The following PLCE1 variants were observed in gnomAD, a reference collection of about 807,000 sequenced individuals.
The protein encoded by PLCE1 is 1-phosphatidylinositol 4,5-bisphosphate phosphodiesterase epsilon-1.
A neutral mutation model predicts 242.8 loss-of-function variants in PLCE1; 119 were observed. The observed-to-expected ratio is 0.49, with a 90% CI of 0.42 to 0.57. PLCE1 has a LOEUF of 0.57. PLCE1 is among the 20% of genes least tolerant of loss of function. The pLI is 0.00. For missense variants in PLCE1, 2,441 were observed against 2,788.8 expected (o/e 0.88, Z 2.81); for synonymous variants, 945 against 1,017.4 (o/e 0.93, Z 1.35).
intron 2 of PLCE1, among the ~76,000 whole-genome samples, chr10:94,041,436 T>C (rs1481952748): frequency 1.3e-5 from 2 of 152,172 alleles, no homozygotes. Context: ...CAGCAATCCA[T>C]GCTTGTCATC....
Position 94,284,929 on chromosome 10 carries a change from G to C in PLCE1, c.4999G>C (p.Asp1667His). ...ESRQIAPELS[D>H]LVIYCQAVKF... ...CAGACAGATTGCACCAGAGCTTTCT[G>C]ACCTTGTAATCTATTGTCAAGCAGT... The change falls in exon 22 of 33, where the codon GAC becomes CAC. Residue 1667 changes from aspartate to histidine, a missense_variant. By Grantham distance (81) the Asp-to-His change is moderately conservative. This residue lies in a region of PLCE1 where 1,004 missense variants were observed against 1,322.7 expected (regional missense o/e 0.76). Coordinates refer to ENST00000371380, the MANE Select transcript of PLCE1 (RefSeq NM_016341.4). 1 of 1,609,536 alleles carries C rather than the reference G, an allele frequency of 6.2e-7. No individual in the cohort carries two copies. The highest frequency in any genetic ancestry group is 8.5e-7 in the Non-Finnish European group (1 of 1,176,060).
At chr10:94,067,826 G>A (rs960028684) in intron 2 of PLCE1, among the ~76,000 whole-genome samples, 3 of 152,200 alleles carry the variant, frequency 2.0e-5, no homozygotes, top group Non-Finnish European at 2.9e-5. Context: ...CTTTGGATGA[G>A]GATAAGGGAG....
chr10:94,270,328 G>A (rs2051680999), intron 17 of PLCE1, among the ~76,000 whole-genome samples, 158 bp from the exon 18 acceptor site: 1 of 152,088 alleles, frequency 6.6e-6, no homozygotes. Context: ...TCTACAAAAT[G>A]GCCTTATCCT....
At chr10:94,076,658 A>G (rs2044511434) in intron 2 of PLCE1, among the ~76,000 whole-genome samples, 1 of 152,132 alleles carries the variant, frequency 6.6e-6, no homozygotes, top group Non-Finnish European at 1.5e-5. Flanking sequence ...TGGAGTGTAC[A>G]GTTGGAGGAC....
At chr10:94,163,817 G>A (rs986564205) in intron 3 of PLCE1, among the ~76,000 whole-genome samples, 1 of 152,142 alleles carries the variant, frequency 6.6e-6, no homozygotes, top group Admixed American at 6.5e-5. Context: ...TACATGTTTA[G>A]TGCTTCCTTC....
chr10:94,066,727 G>A (rs908949319), intron 2 of PLCE1, among the ~76,000 whole-genome samples: 1 of 152,074 alleles, frequency 6.6e-6, no homozygotes, highest in Middle Eastern at 3.2e-3. Flanking sequence ...ATCTAATACT[G>A]ACTTCTCCAC....
intron 32 of PLCE1, among the ~76,000 whole-genome samples, chr10:94,325,892 A>G (rs974423389): frequency 6.6e-6 from 1 of 152,206 alleles, no homozygotes; most frequent in Admixed American, 6.5e-5. Flanking sequence ...CTTCTGCCTC[A>G]ATTAAAAAAA....
chr10:94,307,344 G>T (rs2053238305), intron 26 of PLCE1, among the ~76,000 whole-genome samples: 1 of 152,246 alleles, frequency 6.6e-6, no homozygotes, highest in African/African-American at 2.4e-5. Context: ...GGCTCTGATG[G>T]TCTCCTTTGA....
At chr10:94,115,009 C>T (rs1038407120) in intron 2 of PLCE1, among the ~76,000 whole-genome samples, 1 of 151,170 alleles carries the variant, frequency 6.6e-6, no homozygotes, top group Non-Finnish European at 1.5e-5. Context: ...TAAGTGAGAA[C>T]ATGCGATGTT....
rs2054150718 is a variant in PLCE1 at position 94,330,975 on chromosome 10, G to C, written c.*3032G>C. 1 of 152,178 alleles carries C rather than the reference G, an allele frequency of 6.6e-6. No homozygotes were observed. Among genetic ancestry groups the C allele is most frequent in the Non-Finnish European group, 1.5e-5 (1 of 68,028 alleles). The allele number at this position is 152,178 out of a possible 1,614,324, so 9.4% of individuals were successfully genotyped here. ...AGTTGGGGTCATTACAAAATTTTAA[G>C]AAGCATCACTGAAAGTGAAGAGAAA... On this transcript the variant is annotated 3_prime_UTR_variant, in exon 33 of 33. Coordinates refer to ENST00000371380, the MANE Select transcript of PLCE1 (RefSeq NM_016341.4).
intron 3 of PLCE1, among the ~76,000 whole-genome samples, chr10:94,154,571 T>C (rs892858342): frequency 6.6e-6 from 1 of 151,952 alleles, no homozygotes; most frequent in African/African-American, 2.4e-5. Flanking sequence ...AATAAGAGAT[T>C]AATAGCCAGA....
chr10:94,321,356 G>A (rs949574260), intron 29 of PLCE1, among the ~76,000 whole-genome samples: 2 of 152,334 alleles, frequency 1.3e-5, no homozygotes, highest in Admixed American at 1.3e-4. Context: ...CAGCTAGGCG[G>A]GGCACAGTGG....
At chr10:94,243,855 A>C (rs2050590164) in intron 7 of PLCE1, among the ~76,000 whole-genome samples, 1 of 152,258 alleles carries the variant, frequency 6.6e-6, no homozygotes, top group Admixed American at 6.5e-5. Context: ...ACATTTACAG[A>C]AATGTATGTA....
chr10:94,034,653 C>T (rs894077540), intron 2 of PLCE1, among the ~76,000 whole-genome samples: 1 of 152,124 alleles, frequency 6.6e-6, no homozygotes, highest in South Asian at 2.1e-4. Flanking sequence ...TCAGACTTGG[C>T]CATGTTAGGT....
At chr10:94,276,512 A>G (rs2051960315) in intron 19 of PLCE1, among the ~76,000 whole-genome samples, 1 of 152,240 alleles carries the variant, frequency 6.6e-6, no homozygotes, top group African/African-American at 2.4e-5. Flanking sequence ...TCATCTGTTT[A>G]TATAAAAATA....
chr10:94,002,825 A>G (rs2060957129), intron 1 of PLCE1, among the ~76,000 whole-genome samples: 1 of 152,206 alleles, frequency 6.6e-6, no homozygotes, highest in Non-Finnish European at 1.5e-5. Flanking sequence ...GGATCACATG[A>G]TAAATACATC....
chr10:94,319,246 A>G (rs1323816585), intron 29 of PLCE1, among the ~76,000 whole-genome samples: 1 of 152,202 alleles, frequency 6.6e-6, no homozygotes, highest in Non-Finnish European at 1.5e-5. Flanking sequence ...TGACTGAAAT[A>G]TATCTCAAAA....
At chr10:94,258,945 T>C in intron 12 of PLCE1, 23 bp downstream of exon 12, 1 of 1,614,084 alleles carries the variant, frequency 6.2e-7, no homozygotes, top group South Asian at 1.1e-5. Context: ...GTTTCCTTCT[T>C]ATTCTTTCTC....
chr10:94,182,722 T>C (rs1423095386), intron 4 of PLCE1, among the ~76,000 whole-genome samples: 2 of 152,234 alleles, frequency 1.3e-5, no homozygotes, highest in African/African-American at 4.8e-5. Context: ...ATTACTATAA[T>C]AGGCTATCTT....
Sources: allele counts gnomAD v4.1 joint callset (sites outside exome capture counted in the v4.1 genomes callset), GRCh38; gene constraint gnomAD v4.1.1; regional missense constraint gnomAD v4.1.1; transcripts MANE v1.5; gene names NCBI Gene and HGNC (gene_info 2026-07-23, HGNC 2026-07-21).